IMMP2L: variants seen among roughly 807,000 people sequenced by gnomAD.
IMMP2L encodes mitochondrial inner membrane protease subunit 2.
IMMP2L carries 18 observed loss-of-function variants against 19.3 expected under a neutral mutation model. The ratio of observed to expected loss-of-function variants is 0.93; its 90% CI spans 0.64 to 1.38. The LOEUF (loss-of-function observed/expected upper bound fraction) is 1.38. IMMP2L is among the 40% of genes most tolerant of loss of function. The pLI, the probability that IMMP2L is intolerant of heterozygous loss-of-function variation, is 0.00. For missense variants in IMMP2L, 233 were observed against 218.2 expected, an observed-to-expected ratio of 1.07 and a Z score of -0.43; for synonymous variants, 76 against 73.0, an observed-to-expected ratio of 1.04 and a Z score of -0.21.
At chr7:110,895,148 G>A (rs1194109173) in intron 4 of IMMP2L, among the ~76,000 whole-genome samples, 1 of 152,140 alleles carries the variant, frequency 6.6e-6, no homozygotes, top group South Asian at 2.1e-4. Flanking sequence ...GACAAGAGAA[G>A]AGAGCTTTTG....
At chr7:111,027,898 A>G (rs1452529900) in intron 3 of IMMP2L, among the ~76,000 whole-genome samples, 2 of 152,134 alleles carry the variant, frequency 1.3e-5, no homozygotes, top group Admixed American at 6.6e-5. Flanking sequence ...TATAATCACA[A>G]AAGCTTGACA....
chr7:111,527,754 C>A (rs1847017862), intron 1 of IMMP2L, among the ~76,000 whole-genome samples: 1 of 152,122 alleles, frequency 6.6e-6, no homozygotes, highest in South Asian at 2.1e-4. Flanking sequence ...ATTTCCACAA[C>A]CTGACTGCTG....
intron 3 of IMMP2L, among the ~76,000 whole-genome samples, chr7:111,451,765 GA>G (rs1403584647): frequency 1.3e-5 from 2 of 149,788 alleles, no homozygotes; most frequent in Non-Finnish European, 3.0e-5. Context: ...GAAAAAAGCA[GA>G]GAGAAGGCAA....
intron 3 of IMMP2L, among the ~76,000 whole-genome samples, chr7:111,161,334 C>T (rs962173948): frequency 3.3e-5 from 5 of 151,576 alleles, no homozygotes; most frequent in Admixed American, 2.0e-4. Context: ...GTAAATATCC[C>T]GAACAAAATG....
chr7:111,217,122 T>TCACACA lies in IMMP2L; in HGVS notation c.240-253558_240-253557insTGTGTG, dbSNP rs1333152322. 2.8e-3 allele frequency among the ~76,000 whole-genome samples: 393 copies of TCACACA among 140,450 alleles called. 2 individuals carry two copies. The highest frequency in any genetic ancestry group is 8.5e-3 in the African/African-American group (307 of 35,952). The allele number at this position is 140,450 out of a possible 152,430, so 92.1% of individuals were successfully genotyped here. On this transcript the variant is annotated intron_variant, in intron 3 of 5. Coordinates refer to ENST00000405709, the MANE Select transcript of IMMP2L (RefSeq NM_032549.4). ...GTCTCTCTCTCTCTCTCTCTCTCTC[T>TCACACA]CTCTCACACACACACACACACACAC...
At chr7:110,853,775 T>C (rs1403596228) in intron 5 of IMMP2L, among the ~76,000 whole-genome samples, 1 of 150,420 alleles carries the variant, frequency 6.6e-6, no homozygotes, top group Admixed American at 6.6e-5. Flanking sequence ...ATGGTAAACA[T>C]AATTTTTATG....
chr7:111,282,364 T>C (rs1219389984), intron 3 of IMMP2L, among the ~76,000 whole-genome samples: 1 of 152,168 alleles, frequency 6.6e-6, no homozygotes, highest in Non-Finnish European at 1.5e-5. Context: ...AGTATGGTAT[T>C]TGAACCAAGA....
intron 3 of IMMP2L, among the ~76,000 whole-genome samples, chr7:111,370,230 A>ATC (rs1207330373): frequency 1.3e-5 from 2 of 151,968 alleles, no homozygotes; most frequent in Admixed American, 1.3e-4. Flanking sequence ...AACATTTAAC[A>ATC]TCTCTCAGCC....
intron 3 of IMMP2L, among the ~76,000 whole-genome samples, chr7:111,114,337 T>C (rs888943387): frequency 6.6e-6 from 1 of 152,136 alleles, no homozygotes; most frequent in East Asian, 1.9e-4. Context: ...TGCCACTGTT[T>C]GACAGACACA....
chr7:111,355,065 T>C (rs943931378), intron 3 of IMMP2L, among the ~76,000 whole-genome samples: 2 of 151,876 alleles, frequency 1.3e-5, no homozygotes, highest in African/African-American at 4.8e-5. Flanking sequence ...TTTCCCAAGG[T>C]AATCTTTAGC....
chr7:111,538,501 A>T (rs536492289), intron 1 of IMMP2L, among the ~76,000 whole-genome samples: 36 of 151,882 alleles, frequency 2.4e-4, no homozygotes, highest in Non-Finnish European at 4.4e-4. Context: ...ATAAATATAC[A>T]CAGAAAGAAA....
At chr7:110,979,539 A>G (rs999084970) in intron 3 of IMMP2L, among the ~76,000 whole-genome samples, 1 of 152,158 alleles carries the variant, frequency 6.6e-6, no homozygotes, top group African/African-American at 2.4e-5. Context: ...GCTTATCACA[A>G]TTATCTAAAG....
chr7:110,700,374 T>A (rs1254279066), intron 5 of IMMP2L, among the ~76,000 whole-genome samples: 2 of 152,202 alleles, frequency 1.3e-5, no homozygotes, highest in Non-Finnish European at 1.5e-5. Context: ...AAAGCACCAC[T>A]ACTTGCCACC....
intron 3 of IMMP2L, among the ~76,000 whole-genome samples, chr7:111,070,231 C>G (rs530933823): frequency 2.6e-5 from 4 of 152,136 alleles, no homozygotes; most frequent in Admixed American, 2.0e-4. Context: ...CTGAGCACCA[C>G]AAAACTACAA....
chr7:111,163,838 A>G (rs1805529943), intron 3 of IMMP2L, among the ~76,000 whole-genome samples: 1 of 152,032 alleles, frequency 6.6e-6, no homozygotes, highest in African/African-American at 2.4e-5. Context: ...GTTCTAAAGT[A>G]ACTCAGCTTT....
At chr7:110,853,551 T>C (rs1259406323) in intron 5 of IMMP2L, among the ~76,000 whole-genome samples, 1 of 152,064 alleles carries the variant, frequency 6.6e-6, no homozygotes, top group African/African-American at 2.4e-5. Context: ...TTTTCTATAA[T>C]GTTAGTTACC....
intron 5 of IMMP2L, among the ~76,000 whole-genome samples, chr7:110,737,877 C>T (rs1262887309): frequency 6.6e-6 from 1 of 152,202 alleles, no homozygotes; most frequent in Middle Eastern, 3.2e-3. Flanking sequence ...CAGATTACAT[C>T]ACAGGAGTCT....
At chr7:111,313,543 T>C (rs1823733975) in intron 3 of IMMP2L, among the ~76,000 whole-genome samples, 1 of 152,178 alleles carries the variant, frequency 6.6e-6, no homozygotes, top group Admixed American at 6.6e-5. Flanking sequence ...AACCAAATAC[T>C]ACACAAGCAC....
intron 3 of IMMP2L, among the ~76,000 whole-genome samples, chr7:110,994,529 C>T (rs531769922): frequency 1.3e-5 from 2 of 152,252 alleles, no homozygotes; most frequent in African/African-American, 4.8e-5. Flanking sequence ...TTCTTTCTCA[C>T]TTTCTCTCTT....
Sources: allele counts gnomAD v4.1 joint callset (sites outside exome capture counted in the v4.1 genomes callset), GRCh38; gene constraint gnomAD v4.1.1; transcripts MANE v1.5; gene names NCBI Gene and HGNC (gene_info 2026-07-23, HGNC 2026-07-21).